Variants in ADAMTS3 observed in about 807,000 individuals in gnomAD.
The protein encoded by ADAMTS3 is A disintegrin and metalloproteinase with thrombospondin motifs 3.
In ADAMTS3, 73 loss-of-function variants were observed where a neutral mutation model predicts 129.0. The observed-to-expected ratio is 0.57, with a 90% CI of 0.47 to 0.69. The LOEUF (loss-of-function observed/expected upper bound fraction) is 0.69. Ranked by LOEUF, ADAMTS3 falls within the 30% of genes least tolerant of loss-of-function variation. The pLI is 0.00. For synonymous variants in ADAMTS3, 477 were observed against 510.8 expected (o/e 0.93, Z 0.89); for missense variants, 1,457 against 1,514.5 (o/e 0.96, Z 0.63).
At chr4:72,473,589 A>T (rs1328347272) in intron 3 of ADAMTS3, among the ~76,000 whole-genome samples, 1 of 151,476 alleles carries the variant, frequency 6.6e-6, no homozygotes, top group South Asian at 2.1e-4. Context: ...CTACATTCAC[A>T]CCAGCACAGG....
intron 5 of ADAMTS3, among the ~76,000 whole-genome samples, chr4:72,326,512 C>T (rs779884888): frequency 1.3e-5 from 2 of 151,970 alleles, no homozygotes; most frequent in African/African-American, 4.8e-5. Flanking sequence ...AGTTTGGCCA[C>T]GGATAAACTG....
chr4:72,505,272 T>A (rs1420870893), intron 3 of ADAMTS3, among the ~76,000 whole-genome samples: 1 of 152,208 alleles, frequency 6.6e-6, no homozygotes. Flanking sequence ...CTTCTTTCCC[T>A]GTCTCTTTAC....
chr4:72,394,270 GA>G (rs5859316), intron 4 of ADAMTS3, among the ~76,000 whole-genome samples: 1 of 150,330 alleles, frequency 6.7e-6, no homozygotes, highest in African/African-American at 2.4e-5. Flanking sequence ...CAACAGAGAG[GA>G]AAAAAAAAAC....
chr4:72,436,671 C>A (rs1717935704), intron 3 of ADAMTS3, among the ~76,000 whole-genome samples: 1 of 152,078 alleles, frequency 6.6e-6, no homozygotes, highest in Non-Finnish European at 1.5e-5. Flanking sequence ...GAATACTATG[C>A]AGCCATAAAA....
intron 3 of ADAMTS3, among the ~76,000 whole-genome samples, chr4:72,523,145 A>G (rs1463795147): frequency 6.6e-6 from 1 of 152,112 alleles, no homozygotes; most frequent in Non-Finnish European, 1.5e-5. Flanking sequence ...TAAATATAAA[A>G]AAAAGAAAAA....
intron 17 of ADAMTS3, among the ~76,000 whole-genome samples, chr4:72,299,336 G>A (rs1718895104): frequency 6.6e-6 from 1 of 151,156 alleles, no homozygotes; most frequent in Non-Finnish European, 1.5e-5. Flanking sequence ...AGATATCAAT[G>A]TAGCTAAATT....
intron 3 of ADAMTS3, among the ~76,000 whole-genome samples, chr4:72,456,088 T>C (rs1157376799): frequency 9.2e-5 from 3 of 32,448 alleles, no homozygotes; most frequent in African/African-American, 2.4e-4. Flanking sequence ...ACTATATATA[T>C]TTTATATATA....
intron 3 of ADAMTS3, among the ~76,000 whole-genome samples, chr4:72,545,762 C>T (rs1721449591): frequency 6.6e-6 from 1 of 152,142 alleles, no homozygotes; most frequent in African/African-American, 2.4e-5. Flanking sequence ...AGGTGAAAGG[C>T]AACAGGTCTT....
chr4:72,516,486 T>A (rs893302087), intron 3 of ADAMTS3, among the ~76,000 whole-genome samples: 5 of 152,176 alleles, frequency 3.3e-5, no homozygotes, highest in Non-Finnish European at 5.9e-5. Flanking sequence ...TGTTCTTCCA[T>A]TTGTCTGTAT....
At chr4:72,295,522 T>C (rs1005313247) in intron 19 of ADAMTS3, 132 bp downstream of exon 19, 5 of 899,704 alleles carry the variant, frequency 5.6e-6, no homozygotes, top group Non-Finnish European at 6.4e-6. Flanking sequence ...ATAATTCCTG[T>C]GAAGTGACTT....
rs1312478384 is a variant in ADAMTS3 at position 72,567,376 on chromosome 4, A to G, written c.95T>C (p.Ile32Thr). The stretch of plus-strand genomic sequence containing the variant: ...TGACATCTGAGAACAAAGCTTACCT[A>G]TTTGCACCATTTCTTCATTACCAGC... ...GQAGNEEMVQIDLPIKRYREY... is the reference protein window; with the variant it reads ...GQAGNEEMVQTDLPIKRYREY... The change falls in exon 2 of 22, where the codon ATA becomes ACA. Residue 32 changes from isoleucine to threonine, a missense_variant and splice_region_variant. Ile to Thr is a moderately conservative substitution (Grantham distance 89). Coordinates refer to ENST00000286657, the MANE Select transcript of ADAMTS3 (RefSeq NM_014243.3). 1.2e-6 allele frequency: 2 copies of G among 1,612,664 alleles called. No homozygotes were observed. Among genetic ancestry groups the G allele is most frequent in the Admixed American group, 1.7e-5 (1 of 59,702 alleles).
intron 3 of ADAMTS3, among the ~76,000 whole-genome samples, chr4:72,501,154 A>G (rs1166542982): frequency 6.6e-6 from 1 of 152,104 alleles, no homozygotes; most frequent in African/African-American, 2.4e-5. Flanking sequence ...GTGAAAAATG[A>G]CATTGGTAGC....
chr4:72,549,833 T>A (rs1431734704), intron 2 of ADAMTS3, among the ~76,000 whole-genome samples: 1 of 149,762 alleles, frequency 6.7e-6, no homozygotes, highest in Non-Finnish European at 1.5e-5. Flanking sequence ...ATTTTGTCTA[T>A]CAAAATGCAA....
intron 3 of ADAMTS3, among the ~76,000 whole-genome samples, chr4:72,484,809 T>A (rs1269907774): frequency 6.6e-6 from 1 of 152,156 alleles, no homozygotes; most frequent in East Asian, 1.9e-4. Context: ...AAGGAAAAAG[T>A]CCAATTCTGG....
intron 11 of ADAMTS3, among the ~76,000 whole-genome samples, chr4:72,314,895 G>A (rs1189709911): frequency 6.6e-6 from 1 of 152,152 alleles, no homozygotes; most frequent in Non-Finnish European, 1.5e-5. Context: ...TTCTGTACCA[G>A]GTTTTGGTCC....
intron 9 of ADAMTS3, 129 bp from the exon 10 acceptor site, chr4:72,318,833 A>G (rs1719470169): frequency 1.1e-6 from 1 of 937,596 alleles, no homozygotes; most frequent in Non-Finnish European, 1.6e-6. Context: ...AATTTGCAAA[A>G]ACATGTATTT....
intron 3 of ADAMTS3, among the ~76,000 whole-genome samples, chr4:72,515,246 T>G (rs1481689971): frequency 6.6e-6 from 1 of 152,004 alleles, no homozygotes; most frequent in Non-Finnish European, 1.5e-5. Flanking sequence ...TGTTGGACAT[T>G]TGGGTTGGTT....
intron 2 of ADAMTS3, among the ~76,000 whole-genome samples, chr4:72,564,650 A>C (rs1407162800): frequency 1.3e-5 from 2 of 152,120 alleles, no homozygotes; most frequent in Non-Finnish European, 2.9e-5. Flanking sequence ...ACTTTCCCAC[A>C]TACCAAGAAG....
chr4:72,447,395 A>G (rs1718285393), intron 3 of ADAMTS3, among the ~76,000 whole-genome samples: 1 of 151,746 alleles, frequency 6.6e-6, no homozygotes, highest in Non-Finnish European at 1.5e-5. Context: ...GCTAATATTG[A>G]TAATTATTTA....
Sources: allele counts gnomAD v4.1 joint callset (sites outside exome capture counted in the v4.1 genomes callset), GRCh38; gene constraint gnomAD v4.1.1; transcripts MANE v1.5; gene names NCBI Gene and HGNC (gene_info 2026-07-23, HGNC 2026-07-21).